PACRG: variants seen among roughly 807,000 people sequenced by gnomAD.
The protein encoded by PACRG is parkin coregulated, also known as parkin coregulated gene protein.
PACRG carries 29 observed loss-of-function variants against 29.7 expected under a neutral mutation model. That is an observed-to-expected ratio of 0.98 (90% CI 0.73 to 1.33). The LOEUF (loss-of-function observed/expected upper bound fraction) is 1.33, where lower values mean the gene tolerates loss of function less well. Ranked by LOEUF, PACRG falls within the 40% of genes most tolerant of loss-of-function variation. The probability of loss-of-function intolerance (pLI) is 0.00; values close to 1 mark genes in which losing one functional copy is unlikely to be tolerated. For synonymous variants in PACRG, 116 were observed against 118.7 expected (o/e 0.98, Z 0.15); for missense variants, 279 against 316.2 (o/e 0.88, Z 0.89).
At chr6:163,251,937 A>T (rs563844415) in intron 4 of PACRG, among the ~76,000 whole-genome samples, 4 of 152,274 alleles carry the variant, frequency 2.6e-5, no homozygotes, top group African/African-American at 9.6e-5. Flanking sequence ...TAATAATATC[A>T]ACTCTGACTG....
chr6:163,082,450 T>G (rs1813171191), intron 3 of PACRG, among the ~76,000 whole-genome samples: 1 of 152,162 alleles, frequency 6.6e-6, no homozygotes, highest in South Asian at 2.1e-4. Context: ...GAGAAATAGA[T>G]TGAATTCTGA....
intron 2 of PACRG, among the ~76,000 whole-genome samples, chr6:163,050,373 C>T (rs1326898974): frequency 6.6e-6 from 1 of 152,128 alleles, no homozygotes; most frequent in Non-Finnish European, 1.5e-5. Context: ...AGATTACCTT[C>T]CTCTCATCTT....
intron 2 of PACRG, among the ~76,000 whole-genome samples, chr6:162,937,130 G>A (rs1017905217): frequency 6.6e-6 from 1 of 152,140 alleles, no homozygotes; most frequent in Non-Finnish European, 1.5e-5. Flanking sequence ...AAAAGGCATG[G>A]GTGGAGCTTA....
intron 2 of PACRG, among the ~76,000 whole-genome samples, chr6:162,926,904 C>T (rs1031417273): frequency 2.0e-5 from 3 of 151,936 alleles, no homozygotes; most frequent in East Asian, 3.9e-4. Context: ...GCAATCTACC[C>T]ATCTGACAAA....
At chr6:162,785,764 G>A (rs1470926818) in intron 1 of PACRG, among the ~76,000 whole-genome samples, 1 of 152,216 alleles carries the variant, frequency 6.6e-6, no homozygotes, top group East Asian at 1.9e-4. Context: ...AGCTCAGGCG[G>A]TAATGCTGGC....
At chr6:163,155,827 G>A (rs1422732750) in intron 4 of PACRG, among the ~76,000 whole-genome samples, 2 of 152,098 alleles carry the variant, frequency 1.3e-5, no homozygotes, top group Admixed American at 1.3e-4. Context: ...TTGTGCCCAC[G>A]CACATCCTCT....
At chr6:162,870,259 G>A (rs962214836) in intron 2 of PACRG, among the ~76,000 whole-genome samples, 10 of 152,200 alleles carry the variant, frequency 6.6e-5, no homozygotes, top group Non-Finnish European at 1.5e-4. Flanking sequence ...AGCGTTCAAT[G>A]AAGAGAATCA....
At chr6:163,200,907 G>A (rs548060513) in intron 4 of PACRG, among the ~76,000 whole-genome samples, 1 of 152,266 alleles carries the variant, frequency 6.6e-6, no homozygotes, top group East Asian at 1.9e-4. Flanking sequence ...GCATTCCTGG[G>A]CCCCAGAACC....
intron 2 of PACRG, among the ~76,000 whole-genome samples, chr6:162,882,208 A>T (rs556812285): frequency 2.2e-4 from 33 of 148,728 alleles, no homozygotes; most frequent in African/African-American, 8.2e-4. Flanking sequence ...CGCACTCTCC[A>T]CCAAGACCAG....
At chr6:162,986,971 A>T (rs935747286) in intron 2 of PACRG, among the ~76,000 whole-genome samples, 2 of 151,694 alleles carry the variant, frequency 1.3e-5, no homozygotes, top group African/African-American at 2.4e-5. Flanking sequence ...TTTCTCTGGT[A>T]TCTCTTTGAG....
chr6:163,305,098 C>T (rs913368976), intron 4 of PACRG, among the ~76,000 whole-genome samples: 4 of 152,234 alleles, frequency 2.6e-5, no homozygotes, highest in African/African-American at 7.2e-5. Context: ...AGCCCACACT[C>T]GGTGCCTGTG....
intron 3 of PACRG, among the ~76,000 whole-genome samples, chr6:163,068,587 C>T (rs1256751097): frequency 6.6e-6 from 1 of 151,640 alleles, no homozygotes; most frequent in Non-Finnish European, 1.5e-5. Flanking sequence ...TATCTTCTCT[C>T]TGTTTTCTCT....
At chr6:162,961,720 C>G (rs1298031135) in intron 2 of PACRG, among the ~76,000 whole-genome samples, 3 of 152,200 alleles carry the variant, frequency 2.0e-5, no homozygotes, top group African/African-American at 7.2e-5. Flanking sequence ...CCTCCACCAT[C>G]TTCATTTCTA....
chr6:162,941,649 C>A (rs533625179), intron 2 of PACRG, among the ~76,000 whole-genome samples: 5 of 152,168 alleles, frequency 3.3e-5, no homozygotes, highest in African/African-American at 1.2e-4. Context: ...CACACTCTCC[C>A]CATGCACTTT....
chr6:162,858,244 GAAGGCAAAGGGGA>G (rs1370173748), intron 2 of PACRG, among the ~76,000 whole-genome samples: 1 of 152,178 alleles, frequency 6.6e-6, no homozygotes, highest in African/African-American at 2.4e-5. Flanking sequence ...AATCACGGTG[GAAGGCAAAGGGGA>G]AGCAAGGCAT....
In PACRG at chr6:162,814,251, T is replaced by C. The variant is rs1250659763; in HGVS notation, c.261T>C (p.His87=). 8.7e-6 allele frequency: 14 copies of C among 1,613,802 alleles called. No individual in the cohort carries two copies. Among genetic ancestry groups the C allele is most frequent in the Non-Finnish European group, 1.2e-5 (14 of 1,179,864 alleles). Residue 87 remains histidine, a synonymous_variant, in exon 2 of 5, where the codon CAT becomes CAC. Transcript: ENST00000366888. ...GTGACTTCCCAATTGCCCTTGAGCA[T>C]GATTCGAAAGGAAACAAAATCGCCT... ...ERGDFPIALE[H]DSKGNKIAWK...
chr6:162,879,245 T>C (rs1047518577), intron 2 of PACRG, among the ~76,000 whole-genome samples: 10 of 152,214 alleles, frequency 6.6e-5, no homozygotes, highest in African/African-American at 2.4e-4. Context: ...TCATTAACAG[T>C]CTATAGTTCT....
intron 4 of PACRG, chr6:163,095,295 C>A (rs1305404979): frequency 6.7e-5 from 66 of 985,232 alleles, no homozygotes; most frequent in Non-Finnish European, 8.0e-5. Flanking sequence ...GGGTCAGTCA[C>A]AAACTGTAAA....
intron 2 of PACRG, among the ~76,000 whole-genome samples, chr6:162,833,578 T>C (rs1256196980): frequency 6.6e-6 from 1 of 152,186 alleles, no homozygotes; most frequent in Non-Finnish European, 1.5e-5. Context: ...TGGTATTTCA[T>C]TGTGGTTTTC....
Sources: allele counts gnomAD v4.1 joint callset (sites outside exome capture counted in the v4.1 genomes callset), GRCh38; gene constraint gnomAD v4.1.1; transcripts MANE v1.5; gene names NCBI Gene and HGNC (gene_info 2026-07-23, HGNC 2026-07-21).